RELN: variants seen among roughly 807,000 people sequenced by gnomAD.
RELN encodes the protein reelin.
In RELN, 108 loss-of-function variants were observed where a neutral mutation model predicts 427.6. The observed-to-expected ratio is 0.25, with a 90% CI of 0.22 to 0.30. The LOEUF (loss-of-function observed/expected upper bound fraction) is 0.30. Ranked by LOEUF, RELN falls within the 10% of genes least tolerant of loss-of-function variation. The pLI is 1.00. For synonymous variants in RELN, 1,524 were observed against 1,513.4 expected (o/e 1.01, Z -0.16); for missense variants, 3,715 against 4,302.8 (o/e 0.86, Z 3.82).
At chr7:103,816,316 C>T (rs1792868346) in intron 3 of RELN, among the ~76,000 whole-genome samples, 1 of 152,086 alleles carries the variant, frequency 6.6e-6, no homozygotes, top group African/African-American at 2.4e-5. Flanking sequence ...GAGGCAGAGG[C>T]TGCAGTAAGC....
chr7:103,720,931 C>A (rs1004563702), intron 8 of RELN, among the ~76,000 whole-genome samples: 1 of 152,192 alleles, frequency 6.6e-6, no homozygotes, highest in Non-Finnish European at 1.5e-5. Flanking sequence ...TACCACCACA[C>A]ACCATACAAC....
chr7:103,593,705 G>A lies in RELN; in HGVS notation c.3889C>T (p.Pro1297Ser), dbSNP rs774353962. Residue 1297 changes from proline (P) to serine (S), a missense_variant, in exon 27 of 65, where the codon CCT becomes TCT. Physicochemically the swap from Pro to Ser is moderately conservative, Grantham distance 74. Coordinates refer to ENST00000428762, the MANE Select transcript of RELN (RefSeq NM_005045.4). ...FAVTRDLTLK[P>S]GYVLQFKLNI... The stretch of plus-strand genomic sequence containing the variant: ...ACCTTGAACTGTAGCACATATCCAG[G>A]TTTCAGGGTCAAATCTCGAGTTACT... 6.2e-7 allele frequency: 1 copy of A among 1,613,906 alleles called. No individual in the cohort carries two copies. The highest frequency in any genetic ancestry group is 8.5e-7 in the Non-Finnish European group (1 of 1,179,862).
Position 103,553,726 on chromosome 7 carries a change from T to C in RELN, c.5903A>G (p.Asp1968Gly). Residue 1968 changes from aspartate (D) to glycine (G), a missense_variant, in exon 39 of 65, where the codon GAC (aspartate) becomes GGC (glycine). Coordinates refer to ENST00000428762, the MANE Select transcript of RELN (RefSeq NM_005045.4). The part of the protein sequence containing the change: ...LDTFDFGPRE[D>G]NWFFYPGGNI... ...ACCACCAGGATAGAAAAACCAATTG[T>C]CTTCTCTGGGCCCAAAATCAAATGT... 1.9e-6 allele frequency: 3 copies of C among 1,614,140 alleles called. No individual in the cohort carries two copies. The highest frequency in any genetic ancestry group is 2.5e-6 in the Non-Finnish European group (3 of 1,180,000).
chr7:103,827,732 T>C (rs981472936), intron 3 of RELN, among the ~76,000 whole-genome samples: 9 of 151,990 alleles, frequency 5.9e-5, no homozygotes, highest in Non-Finnish European at 1.2e-4. Context: ...TCTTGTCATC[T>C]AGAGGTATAT....
At chr7:103,743,121 G>T (rs931090095) in intron 6 of RELN, among the ~76,000 whole-genome samples, 2 of 151,394 alleles carry the variant, frequency 1.3e-5, no homozygotes, top group African/African-American at 2.4e-5. Context: ...CATTCTTAAA[G>T]AAAAGAATTT....
At position 103,824,474 on chromosome 7, in the gene RELN, C is replaced by T. The variant is rs1476369583; in HGVS notation, c.473+9063G>A. ...TTTAAGAAGCTCCTGACAATAGCTC[C>T]AGGCCCCATATAGGTTAAAACTCCA... On this transcript the variant is annotated intron_variant, in intron 3 of 64. Transcript: ENST00000428762. The surrounding 1 kb of genome is among the most constrained non-coding windows in gnomAD (Gnocchi z 4.4). Among the ~76,000 whole-genome samples the T allele has an allele frequency of 1.3e-5, 2 of 151,996 alleles. No homozygotes were observed. The highest frequency in any genetic ancestry group is 1.3e-4 in the Admixed American group (2 of 15,226).
intron 1 of RELN, among the ~76,000 whole-genome samples, chr7:103,977,728 T>C (rs1011817065): frequency 1.3e-5 from 2 of 152,148 alleles, no homozygotes; most frequent in African/African-American, 4.8e-5. Context: ...CTACATCTGT[T>C]TGGATTTTCC....
At chr7:103,667,434 T>C (rs749239533) in intron 11 of RELN, among the ~76,000 whole-genome samples, 6 of 152,204 alleles carry the variant, frequency 3.9e-5, no homozygotes, top group Non-Finnish European at 7.4e-5. Flanking sequence ...ATATCCTTGG[T>C]GACTTTATTA....
At chr7:103,889,856 C>A (rs995354090) in intron 2 of RELN, among the ~76,000 whole-genome samples, 3 of 152,112 alleles carry the variant, frequency 2.0e-5, no homozygotes, top group African/African-American at 7.2e-5. Context: ...AAACATTTTC[C>A]CAACCTCCTC....
At chr7:103,782,356 C>T (rs1336003665) in intron 3 of RELN, among the ~76,000 whole-genome samples, 1 of 152,126 alleles carries the variant, frequency 6.6e-6, no homozygotes, top group Non-Finnish European at 1.5e-5. Context: ...AGACCAGTGA[C>T]AGAACACAGT....
chr7:103,913,287 AACT>A (rs1231026095), intron 2 of RELN, among the ~76,000 whole-genome samples: 16 of 152,212 alleles, frequency 1.1e-4, no homozygotes, highest in Admixed American at 9.8e-4. Flanking sequence ...CAATTAAAAT[AACT>A]ACTACAAGTA....
At chr7:103,763,262 T>G (rs561146821) in intron 4 of RELN, among the ~76,000 whole-genome samples, 12 of 152,358 alleles carry the variant, frequency 7.9e-5, no homozygotes, top group Non-Finnish European at 1.5e-4. Flanking sequence ...ACAGACTGGC[T>G]GGCAATTAAA....
Position 103,650,298 on chromosome 7 carries a change from C to T in RELN, c.1978G>A (p.Gly660Arg). 6.2e-7 allele frequency: 1 copy of T among 1,609,604 alleles called. No individual in the cohort carries two copies. Among genetic ancestry groups the T allele is most frequent in the Non-Finnish European group, 8.5e-7 (1 of 1,176,248 alleles). Residue 660 changes from glycine (G) to arginine (R), a missense_variant, in exon 16 of 65, where the codon GGA becomes AGA. Physicochemically the swap from Gly to Arg is moderately radical, Grantham distance 125. Coordinates refer to ENST00000428762, the MANE Select transcript of RELN (RefSeq NM_005045.4). ...CCATTATCAATTGCCCACATGTTTC[C>T]AAGGATTGGTCCTGTTTGTCTCCAG... The part of the protein sequence containing the change: ...IRWRQTGPIL[G>R]NMWAIDNVYI...
At chr7:103,938,242 C>T (rs989798939) in intron 1 of RELN, among the ~76,000 whole-genome samples, 4 of 152,158 alleles carry the variant, frequency 2.6e-5, no homozygotes, top group South Asian at 2.1e-4. Context: ...ATCGCTTGAA[C>T]CCAGGAGGTG....
In RELN at chr7:103,856,141, T is replaced by C. The variant is rs568328223; in HGVS notation, c.338-22469A>G. ...TTATGAAGATGCTATCAAATAAGGATAACTCATTTCCTAAATACTGTTTGA... is the reference window on the plus strand; with the variant it reads ...TTATGAAGATGCTATCAAATAAGGACAACTCATTTCCTAAATACTGTTTGA... On this transcript the variant is annotated intron_variant, in intron 2 of 64. Transcript: ENST00000428762. Among the ~76,000 whole-genome samples the C allele has an allele frequency of 6.6e-5, 10 of 152,252 alleles. No homozygotes were observed. The South Asian group carries it at 2.1e-3, about 32-fold the overall frequency.
intron 4 of RELN, among the ~76,000 whole-genome samples, chr7:103,769,324 A>G (rs1430873050): frequency 6.6e-6 from 1 of 152,138 alleles, no homozygotes; most frequent in Non-Finnish European, 1.5e-5. Context: ...AGGAGGTTTC[A>G]CACTCAGCTG....
chr7:103,576,660 C>T (rs1413481672), intron 28 of RELN, among the ~76,000 whole-genome samples: 2 of 152,214 alleles, frequency 1.3e-5, no homozygotes, highest in African/African-American at 4.8e-5. Context: ...TATTGACATG[C>T]TTCAGGCAGG....
chr7:103,495,213 T>C (rs2117016926), intron 57 of RELN, among the ~76,000 whole-genome samples: 1 of 150,606 alleles, frequency 6.6e-6, no homozygotes, highest in Admixed American at 6.6e-5. Context: ...AATCTCGTTC[T>C]GTCGCCCACA....
intron 1 of RELN, among the ~76,000 whole-genome samples, chr7:103,970,498 G>A (rs1366942693): frequency 6.0e-5 from 9 of 149,946 alleles, no homozygotes; most frequent in Non-Finnish European, 1.5e-5. Context: ...TTTTCTTTTT[G>A]CACTTCACCT....
Sources: gnomAD v4.1 joint callset for allele counts (sites outside exome capture counted in the v4.1 genomes callset) on GRCh38, gnomAD v4.1.1 for gene constraint, Gnocchi (gnomAD v3.1) non-coding constraint, MANE v1.5 for transcripts, NCBI Gene and HGNC (gene_info 2026-07-23, HGNC 2026-07-21) for gene names.